Variants in GCN1 observed in about 807,000 individuals in gnomAD.
The protein encoded by GCN1 is GCN1 activator of EIF2AK4, also known as stalled ribosome sensor GCN1.
GCN1 carries 90 observed loss-of-function variants against 288.4 expected under a neutral mutation model. The observed-to-expected ratio is 0.31, with a 90% confidence interval of 0.26 to 0.37. The LOEUF (loss-of-function observed/expected upper bound fraction) is 0.37, where lower values mean the gene tolerates loss of function less well. Ranked by LOEUF, GCN1 falls within the 10% of genes least tolerant of loss-of-function variation. GCN1 has a pLI of 1.00. For missense variants in GCN1, 2,586 were observed against 3,419.9 expected, an observed-to-expected ratio of 0.76 and a Z score of 6.08; for synonymous variants, 1,386 against 1,420.2, an observed-to-expected ratio of 0.98 and a Z score of 0.54.
Position 120,163,161 on chromosome 12 carries a change from G to A in GCN1, c.1947C>T (p.Val649=), listed in dbSNP as rs371297970. 18 of 1,614,064 alleles carry A rather than the reference G, an allele frequency of 1.1e-5. No individual in the cohort carries two copies. In the African/African-American group the frequency reaches 1.7e-4, roughly 16 times the overall value. Residue 649 remains valine (V), a synonymous_variant, in exon 19 of 58, where the codon GTC becomes GTT. Transcript: ENST00000300648. ...PPRVLQEALC[V]ISGVPGLKGD... ...CCTTGAGCCCTGGCACACCGGAGAT[G>A]ACACACAGAGCCTCCTGCAGGACCC...
At chr12:120,136,976 G>A (rs1187102696) in intron 50 of GCN1, among the ~76,000 whole-genome samples, 2 of 152,174 alleles carry the variant, frequency 1.3e-5, no homozygotes, top group South Asian at 2.1e-4. Context: ...TTACCCTGTG[G>A]CCCACTCACT....
intron 50 of GCN1, 64 bp from the exon 51 acceptor site, chr12:120,136,796 C>A (rs1877018676): frequency 8.2e-7 from 1 of 1,216,238 alleles, no homozygotes; most frequent in Non-Finnish European, 1.2e-6. Context: ...GTCTCCCATG[C>A]AAGCAAAGTG....
At chr12:120,165,122 C>A (rs1402771119) in intron 16 of GCN1, among the ~76,000 whole-genome samples, 2 of 151,668 alleles carry the variant, frequency 1.3e-5, no homozygotes, top group Non-Finnish European at 2.9e-5. Context: ...TCAGGGCTTA[C>A]TGCAAGCTCC....
At chr12:120,177,335 A>C in intron 9 of GCN1, 112 bp downstream of exon 9, 2 of 631,414 alleles carry the variant, frequency 3.2e-6, no homozygotes, top group Non-Finnish European at 2.9e-6. Flanking sequence ...TAAACAATGA[A>C]TACATCCCCC....
In GCN1 at chr12:120,137,555, G is replaced by A; in HGVS notation, c.6653C>T (p.Ala2218Val). 1.2e-6 allele frequency: 2 copies of A among 1,613,874 alleles called. No individual in the cohort carries two copies. Among genetic ancestry groups the A allele is most frequent in the Non-Finnish European group, 1.7e-6 (2 of 1,179,774 alleles). The part of the protein sequence containing the change: ...VLEESWDALN[A>V]ITKKLDAGNQ... ...CAGCAGTCCCCTCACCTTAGTGATG[G>A]CATTTAGGGCATCCCAGCTCTCCTC... Residue 2218 changes from alanine (A) to valine (V), a missense_variant, in exon 49 of 58, where the codon GCC becomes GTC. Transcript: ENST00000300648. This position sits in a 1 kb window ranked among gnomAD's most constrained non-coding sequence, Gnocchi z 5.2.
chr12:120,141,906 GTTAT>G (rs1877209210), intron 44 of GCN1, among the ~76,000 whole-genome samples: 1 of 152,180 alleles, frequency 6.6e-6, no homozygotes, highest in East Asian at 1.9e-4. Context: ...TCTTTGTGTG[GTTAT>G]TTGATTAATA....
chr12:120,129,984 A>G (rs557326499), intron 56 of GCN1, among the ~76,000 whole-genome samples: 2 of 152,200 alleles, frequency 1.3e-5, no homozygotes, highest in Non-Finnish European at 2.9e-5. Context: ...GACGAGGCTC[A>G]ATCGAATCAG....
intron 5 of GCN1, among the ~76,000 whole-genome samples, chr12:120,182,025 T>C (rs1288711326): frequency 6.6e-6 from 1 of 151,486 alleles, no homozygotes; most frequent in Non-Finnish European, 1.5e-5. Context: ...CATGCACATA[T>C]AGTCCCAGTT....
chr12:120,193,735 T>C (rs1245456206), intron 1 of GCN1, among the ~76,000 whole-genome samples: 2 of 152,240 alleles, frequency 1.3e-5, no homozygotes, highest in Non-Finnish European at 2.9e-5. Context: ...TGTATTCCCC[T>C]AACCCTCTCA....
chr12:120,184,137 T>C lies in GCN1; in HGVS notation c.292A>G (p.Ile98Val), dbSNP rs1345365806. 1.2e-6 allele frequency: 2 copies of C among 1,613,868 alleles called. No homozygotes were observed. Among genetic ancestry groups the C allele is most frequent in the South Asian group, 1.1e-5 (1 of 91,072 alleles). Reference protein sequence around the residue: ...NLLHSLQSSGIGSKAGVPSKS... With the variant: ...NLLHSLQSSGVGSKAGVPSKS... ...CTGGGAACACCTGCTTTGGAGCCTA[T>C]ACCAGAAGACTGCAGAGAGTGTAGA... The change falls in exon 4 of 58, where the codon ATA becomes GTA. Residue 98 changes from isoleucine (I) to valine (V), a missense_variant. Ile to Val is a conservative substitution (Grantham distance 29). Coordinates refer to ENST00000300648, the MANE Select transcript of GCN1 (RefSeq NM_006836.2).
rs1422922858 is a variant in GCN1, at chr12:120,142,618, A to G, written c.5718T>C (p.His1906=). The G allele has an allele frequency of 1.4e-5, 23 of 1,614,040 alleles. 1 individual carries two copies. The highest frequency in any genetic ancestry group is 3.3e-4 in the Middle Eastern group (2 of 6,062). ...TQLVVRQASL[H]VWKIVVSNTP... is the part of the protein sequence containing the mutation. Reference sequence around the variant, plus strand: ...TATTGGAGACAACAATCTTCCAGACATGCAGGGACGCCTGCCGCACCACCA... The same window carrying G: ...TATTGGAGACAACAATCTTCCAGACGTGCAGGGACGCCTGCCGCACCACCA... The change falls in exon 44 of 58, where the codon CAT becomes CAC. Residue 1906 remains histidine, a synonymous_variant. Coordinates refer to ENST00000300648, the MANE Select transcript of GCN1 (RefSeq NM_006836.2). The surrounding 1 kb of genome is among the most constrained non-coding windows in gnomAD (Gnocchi z 4.9).
In GCN1 at chr12:120,158,873, G is replaced by A. The variant is rs1299637304; in HGVS notation, c.2750-258C>T. On this transcript the variant is annotated intron_variant, in intron 24 of 57. Transcript: ENST00000300648. The surrounding 1 kb of genome is among the most constrained non-coding windows in gnomAD (Gnocchi z 4.3). ...TAAAAATACAAAAAATTAGCTGGGCGTGGTGACGGGCGCCTGTAGTCCCAG... is the reference window on the plus strand; with the variant it reads ...TAAAAATACAAAAAATTAGCTGGGCATGGTGACGGGCGCCTGTAGTCCCAG... Among the ~76,000 whole-genome samples the A allele has an allele frequency of 3.9e-5, 6 of 151,992 alleles. No homozygotes were observed. Among genetic ancestry groups the A allele is most frequent in the East Asian group, 1.9e-4 (1 of 5,178 alleles).
At position 120,173,690 on chromosome 12, in the gene GCN1, C is replaced by T; in HGVS notation, c.1329G>A (p.Arg443=). The change falls in exon 14 of 58, where the codon AGG becomes AGA. Residue 443 remains arginine, a synonymous_variant. Coordinates refer to ENST00000300648, the MANE Select transcript of GCN1 (RefSeq NM_006836.2). ...CCAACATGCACTGCAGGTAGGCATG[C>T]CTCACCGCAGATGTGGAGGTTTTAA... The part of the protein sequence containing the change: ...FSLKTSTSAV[R]HAYLQCMLAS... 2 of 1,612,734 alleles carry T rather than the reference C, an allele frequency of 1.2e-6. No homozygotes were observed. The highest frequency in any genetic ancestry group is 1.7e-6 in the Non-Finnish European group (2 of 1,178,700).
intron 56 of GCN1, among the ~76,000 whole-genome samples, chr12:120,129,708 T>C (rs1056164213): frequency 6.6e-6 from 1 of 152,126 alleles, no homozygotes; most frequent in Non-Finnish European, 1.5e-5. Flanking sequence ...CATGCGTTTT[T>C]ACTTCCTCCA....
chr12:120,161,457 AGCC>A, intron 22 of GCN1, 30 bp downstream of exon 22: 1 of 1,450,650 alleles, frequency 6.9e-7, no homozygotes, highest in South Asian at 1.1e-5. Context: ...CAAGCTCAGC[AGCC>A]ACCTTCCGTA....
At chr12:120,168,400 C>A (rs1338857426) in intron 15 of GCN1, 100 bp from the exon 16 acceptor site, 1 of 763,964 alleles carries the variant, frequency 1.3e-6, no homozygotes, top group Non-Finnish European at 2.4e-6. Context: ...TGCTGACAAA[C>A]CCTCCTCTGC....
At position 120,149,933 on chromosome 12, in the gene GCN1, A is replaced by G. The variant is rs560899628; in HGVS notation, c.4420T>C (p.Tyr1474His). 2 of 1,614,136 alleles carry G rather than the reference A, an allele frequency of 1.2e-6. No individual in the cohort carries two copies. The highest frequency in any genetic ancestry group is 1.7e-6 in the Non-Finnish European group (2 of 1,180,032). The change falls in exon 35 of 58, where the codon TAT becomes CAT. Residue 1474 changes from tyrosine (Y) to histidine (H), a missense_variant. Tyr to His is a moderately conservative substitution (Grantham distance 83, BLOSUM62 2). This residue lies in a region of GCN1 where 371 missense variants were observed against 572.6 expected (regional missense o/e 0.65). Coordinates refer to ENST00000300648, the MANE Select transcript of GCN1 (RefSeq NM_006836.2). The stretch of plus-strand genomic sequence containing the variant: ...GTCCGGGGACTTACCTCACGCACAT[A>G]CTGGTTTCCATCCCCAAAGCACAGG... ...LLLCFGDGNQYVREAADDCAK... is the reference protein window; with the variant it reads ...LLLCFGDGNQHVREAADDCAK...
rs1449747186 is a variant in GCN1, at chr12:120,185,574, T to C, written c.122-687A>G. 2.0e-5 allele frequency among the ~76,000 whole-genome samples: 3 copies of C among 152,316 alleles called. No homozygotes were observed. In the East Asian group the frequency reaches 5.8e-4, roughly 29 times the overall value. On this transcript the variant is annotated intron_variant, in intron 2 of 57. Coordinates refer to ENST00000300648, the MANE Select transcript of GCN1 (RefSeq NM_006836.2). ...CATACACATTCACTCATTTAATCCA[T>C]GTAAGGTGGGCAGTGTTATTAAGGC...
intron 2 of GCN1, 61 bp from the exon 3 acceptor site, chr12:120,184,948 C>T: frequency 9.1e-7 from 1 of 1,103,004 alleles, no homozygotes; most frequent in East Asian, 2.4e-5. Context: ...CCGCTGGAGT[C>T]AGGTATTCTG....
Sources: allele counts gnomAD v4.1 joint callset (sites outside exome capture counted in the v4.1 genomes callset), GRCh38; gene constraint gnomAD v4.1.1; regional missense constraint gnomAD v4.1.1; non-coding constraint Gnocchi (gnomAD v3.1); transcripts MANE v1.5; gene names NCBI Gene and HGNC (gene_info 2026-07-23, HGNC 2026-07-21).